SSC4D: variants seen among roughly 807,000 people sequenced by gnomAD.
SSC4D encodes the protein scavenger receptor cysteine-rich domain-containing group B protein.
In SSC4D, 57 loss-of-function variants were observed where a neutral mutation model predicts 63.4. The ratio of observed to expected loss-of-function variants is 0.90; its 90% CI spans 0.73 to 1.12. The LOEUF (loss-of-function observed/expected upper bound fraction) is 1.12, where lower values mean the gene tolerates loss of function less well. Ranked by LOEUF, SSC4D falls within the 50% of genes most tolerant of loss-of-function variation. The probability of loss-of-function intolerance (pLI) is 0.00; values close to 1 mark genes in which losing one functional copy is unlikely to be tolerated. For synonymous variants in SSC4D, 352 were observed against 345.4 expected, an observed-to-expected ratio of 1.02 and a Z score of -0.21; for missense variants, 791 against 806.4, an observed-to-expected ratio of 0.98 and a Z score of 0.23.
intron 1 of SSC4D, among the ~76,000 whole-genome samples, chr7:76,409,184 T>G (rs1450094035): frequency 6.6e-6 from 1 of 152,022 alleles, no homozygotes; most frequent in East Asian, 1.9e-4. Flanking sequence ...CAGGAAATGT[T>G]TGTTGAGTGA....
chr7:76,407,692 C>T (rs978558940), intron 1 of SSC4D, among the ~76,000 whole-genome samples: 10 of 152,094 alleles, frequency 6.6e-5, no homozygotes, highest in African/African-American at 2.4e-4. Flanking sequence ...ATGATCATGC[C>T]ACTGCACTCC....
At chr7:76,398,688 A>G (rs753825547) in intron 5 of SSC4D, 32 bp downstream of exon 5, 1 of 1,609,490 alleles carries the variant, frequency 6.2e-7, no homozygotes, top group Non-Finnish European at 8.5e-7. Context: ...CTCTCCCAAA[A>G]CCCAGGTGGT....
chr7:76,407,358 G>T (rs1805072524), intron 1 of SSC4D, among the ~76,000 whole-genome samples: 1 of 151,420 alleles, frequency 6.6e-6, no homozygotes, highest in African/African-American at 2.4e-5. Context: ...TTGAGACAGA[G>T]TCTCGCCTTG....
chr7:76,396,765 C>T (rs1804650336), intron 6 of SSC4D, among the ~76,000 whole-genome samples: 1 of 152,196 alleles, frequency 6.6e-6, no homozygotes, highest in Non-Finnish European at 1.5e-5. Flanking sequence ...TCTTACAGAG[C>T]AGAGTCCATC....
intron 7 of SSC4D, 65 bp from the exon 8 acceptor site, chr7:76,393,969 C>A (rs1337285519): frequency 2.0e-6 from 3 of 1,497,142 alleles, no homozygotes; most frequent in East Asian, 5.1e-5. Flanking sequence ...TGCAGCAGGG[C>A]ACGGGGACGC....
At chr7:76,409,018 A>G (rs1248883115) in intron 1 of SSC4D, among the ~76,000 whole-genome samples, 2 of 152,162 alleles carry the variant, frequency 1.3e-5, no homozygotes, top group Non-Finnish European at 2.9e-5. Context: ...GCCAAGTTCA[A>G]TGAGCAAATG....
chr7:76,397,868 A>T, intron 5 of SSC4D, 36 bp from the exon 6 acceptor site: 1 of 1,485,620 alleles, frequency 6.7e-7, no homozygotes, highest in Non-Finnish European at 9.0e-7. Context: ...CGCATCTCCC[A>T]CTGGCCTCTG....
chr7:76,405,491 C>CTT (rs776996787), intron 1 of SSC4D, among the ~76,000 whole-genome samples: 74 of 149,734 alleles, frequency 4.9e-4, no homozygotes, highest in Non-Finnish European at 8.6e-4. Flanking sequence ...CAGAACATTT[C>CTT]TTTTTTATGA....
intron 4 of SSC4D, 33 bp downstream of exon 4, chr7:76,400,253 G>T: frequency 4.2e-6 from 6 of 1,435,206 alleles, no homozygotes; most frequent in Non-Finnish European, 4.6e-6. Flanking sequence ...GCCACAGTCT[G>T]TCTGTCCCTC....
In SSC4D at chr7:76,390,227, G is replaced by A. The variant is rs777891328; in HGVS notation, c.1560C>T (p.Leu520=). ...LCRQLGCGQA[L]AAPGEAHFGP... ...CAAAGTGAGCCTCGCCAGGGGCTGC[G>A]AGGGCCTGGCCACAGCCCAGCTGGC... The change falls in exon 11 of 11, where the codon CTC becomes CTT. Residue 520 remains leucine (L), a synonymous_variant. Transcript: ENST00000275560. 16 of 1,614,004 alleles carry A rather than the reference G, an allele frequency of 9.9e-6. No homozygotes were observed. The East Asian group carries it at 1.6e-4, about 16-fold the overall frequency.
chr7:76,393,429 C>CGTGGTGGCCGCAGTT lies in SSC4D; in HGVS notation c.1294_1308dup (p.Asn432_His436dup), dbSNP rs1804547369. The CGTGGTGGCCGCAGTT allele has an allele frequency of 2.0e-6, 3 of 1,502,074 alleles. No homozygotes were observed. The highest frequency in any genetic ancestry group is 2.7e-6 in the Non-Finnish European group (3 of 1,130,976). The allele number at this position is 1,502,074 out of a possible 1,614,324, so 93.0% of individuals were successfully genotyped here. On this transcript the variant is annotated inframe_insertion, in exon 9 of 11. Transcript: ENST00000275560. ...CCTGCGCAGAGCGCTCCCGCGTCCT[C>CGTGGTGGCCGCAGTT]GTGGTGGCCGCAGTTGTGCTGGCCC... is the stretch of plus-strand genomic sequence containing the variant.
chr7:76,400,332 G>A lies in SSC4D; in HGVS notation c.429C>T (p.Gly143=), dbSNP rs775605306. The stretch of plus-strand genomic sequence containing the variant: ...CCTCGTAGTGAAAGCAATTGTGGAC[G>A]CCCCAGCCGCGGCTGCCGCACTCGC... ...ALSECGSRGW[G]VHNCFHYEDV... is the part of the protein sequence containing the mutation. Residue 143 remains glycine, a synonymous_variant, in exon 4 of 11, where the codon GGC becomes GGT. Transcript: ENST00000275560. 2.5e-5 allele frequency: 37 copies of A among 1,501,870 alleles called. No homozygotes were observed. The East Asian group carries it at 5.4e-4, about 22-fold the overall frequency. The allele number at this position is 1,501,870 out of a possible 1,614,324, so 93.0% of individuals were successfully genotyped here. A position where few individuals can be genotyped will look rare whatever the true frequency, so the allele number is the denominator to read the frequency against.
intron 5 of SSC4D, among the ~76,000 whole-genome samples, chr7:76,398,307 C>CTT (rs1309414426): frequency 2.3e-5 from 3 of 132,780 alleles, no homozygotes; most frequent in Non-Finnish European, 4.9e-5. Context: ...CATTCATTTT[C>CTT]TATTTTTTTT....
At chr7:76,392,525 T>G (rs1457468939) in intron 9 of SSC4D, among the ~76,000 whole-genome samples, 1 of 147,776 alleles carries the variant, frequency 6.8e-6, no homozygotes, top group Admixed American at 6.8e-5. Flanking sequence ...GGTGACAGAC[T>G]GAGACTCTGT....
chr7:76,401,193 C>T, intron 2 of SSC4D, 150 bp from the exon 3 acceptor site: 1 of 1,167,430 alleles, frequency 8.6e-7, no homozygotes, highest in Non-Finnish European at 1.2e-6. Context: ...CCCATTGTCT[C>T]TTTCTCTGAC....
chr7:76,400,743 A>C, intron 3 of SSC4D, 152 bp from the exon 4 acceptor site: 2 of 1,054,380 alleles, frequency 1.9e-6, no homozygotes, highest in Non-Finnish European at 2.6e-6. Flanking sequence ...CCTGGGCTCA[A>C]GTGATCCTCC....
chr7:76,397,791 GACA>G lies in SSC4D; in HGVS notation c.592_594del (p.Cys198del), dbSNP rs779470385. On this transcript the variant is annotated inframe_deletion, in exon 6 of 11. Transcript: ENST00000275560. ...CTGTGCAGGATCTCCACTCGGCCCT[GACA>G]CAGGTTCGCGCCCCCTACCAGGCGT... The G allele has an allele frequency of 6.2e-7, 1 of 1,606,084 alleles. No homozygotes were observed. The highest frequency in any genetic ancestry group is 8.5e-7 in the Non-Finnish European group (1 of 1,175,014).
Position 76,398,307 on chromosome 7 carries a change from C to CT in SSC4D, c.553+412dup, listed in dbSNP as rs1309414426. Among the ~76,000 whole-genome samples, 446 of 132,794 alleles carry CT rather than the reference C, an allele frequency of 3.4e-3. 1 individual carries two copies. The highest frequency in any genetic ancestry group is 5.4e-3 in the Non-Finnish European group (335 of 61,750). 87.1% of individuals were successfully genotyped at this position (132,794 alleles called of 152,430 possible). A position where few individuals can be genotyped will look rare whatever the true frequency, so the allele number is the denominator to read the frequency against. On this transcript the variant is annotated intron_variant, in intron 5 of 10. Coordinates refer to ENST00000275560, the MANE Select transcript of SSC4D (RefSeq NM_080744.2). ...TCCAGTCTCACCGCCCATTCATTTT[C>CT]TATTTTTTTTTTTTTTTTTTGAGAC...
intron 1 of SSC4D, among the ~76,000 whole-genome samples, chr7:76,408,222 G>A (rs956809027): frequency 6.6e-6 from 1 of 152,118 alleles, no homozygotes; most frequent in Non-Finnish European, 1.5e-5. Flanking sequence ...GTGCCCTGGT[G>A]TACAAAGTCT....
Sources: gnomAD v4.1 joint callset for allele counts (sites outside exome capture counted in the v4.1 genomes callset) on GRCh38, gnomAD v4.1.1 for gene constraint, MANE v1.5 for transcripts, NCBI Gene and HGNC (gene_info 2026-07-23, HGNC 2026-07-21) for gene names.